MCPH1: variants seen among roughly 807,000 people sequenced by gnomAD.
MCPH1 encodes microcephalin 1, also known as microcephalin.
In MCPH1, 104 loss-of-function variants were observed where a neutral mutation model predicts 84.5. The observed-to-expected ratio is 1.23, with a 90% CI of 1.05 to 1.45. The LOEUF is 1.45. MCPH1 is among the 40% of genes most tolerant of loss of function. The pLI, the probability that MCPH1 is intolerant of heterozygous loss-of-function variation, is 0.00. For missense variants in MCPH1, 1,498 were observed against 1,005.7 expected (o/e 1.49, Z -6.62); for synonymous variants, 514 against 366.8 (o/e 1.40, Z -4.58).
At chr8:6,408,288 A>T (rs1798026015) in intron 1 of MCPH1, among the ~76,000 whole-genome samples, 1 of 149,642 alleles carries the variant, frequency 6.7e-6, no homozygotes, top group Admixed American at 6.6e-5. Flanking sequence ...GAGCGCAGTG[A>T]TGTGATCACA....
At chr8:6,424,717 T>C (rs1364201258) in intron 3 of MCPH1, among the ~76,000 whole-genome samples, 3 of 152,236 alleles carry the variant, frequency 2.0e-5, no homozygotes, top group Non-Finnish European at 4.4e-5. Flanking sequence ...ACTGCTGGGC[T>C]CTAGGTTCCT....
intron 12 of MCPH1, chr8:6,616,767 T>C (rs1830829034): frequency 2.6e-5 from 4 of 152,260 alleles, no homozygotes; most frequent in African/African-American, 9.6e-5. Context: ...CCACCCAAAA[T>C]TCACTCTGAC....
At chr8:6,532,574 T>TAAAAAAAA in intron 12 of MCPH1, 1 of 589,544 alleles carries the variant, frequency 1.7e-6, no homozygotes, top group Non-Finnish European at 2.5e-6. Flanking sequence ...TCCCTATCTT[T>TAAAAAAAA]AAAAAAAAAA....
intron 12 of MCPH1, among the ~76,000 whole-genome samples, chr8:6,614,110 GAATT>G (rs113536460): frequency 0.013 from 1,969 of 152,276 alleles, 44 homozygotes; most frequent in African/African-American, 0.044. Context: ...TCTACACTGA[GAATT>G]ATTTTAGAAG....
At chr8:6,409,446 T>G (rs1030173543) in intron 2 of MCPH1, 76 bp downstream of exon 2, 2 of 1,237,430 alleles carry the variant, frequency 1.6e-6, no homozygotes, top group Non-Finnish European at 2.4e-6. Flanking sequence ...ATTTTCTTAT[T>G]TTGGGAGTTT....
chr8:6,617,678 G>A (rs1830949214), intron 12 of MCPH1, among the ~76,000 whole-genome samples: 1 of 151,946 alleles, frequency 6.6e-6, no homozygotes, highest in Non-Finnish European at 1.5e-5. Context: ...GTTGGGGGTG[G>A]GGAGTTGTAT....
At chr8:6,527,523 C>T in intron 12 of MCPH1, 1 of 1,605,844 alleles carries the variant, frequency 6.2e-7, no homozygotes, top group Non-Finnish European at 8.5e-7. Flanking sequence ...GTGTGCAGTC[C>T]TGAATTATAA....
At position 6,409,390 on chromosome 8, in the gene MCPH1, G is replaced by A; in HGVS notation, c.114+20G>A. On this transcript the variant is annotated intron_variant, in intron 2 of 13. Transcript: ENST00000344683. ...GCAAAGGTAAGACACTTATTTTGCT[G>A]TTGATTCATATGACAGTCTTCTGAT... is the stretch of plus-strand genomic sequence containing the variant. The A allele has an allele frequency of 2.6e-6, 4 of 1,557,892 alleles. No individual in the cohort carries two copies. Among genetic ancestry groups the A allele is most frequent in the Non-Finnish European group, 3.5e-6 (4 of 1,128,796 alleles).
intron 8 of MCPH1, among the ~76,000 whole-genome samples, chr8:6,453,111 A>T (rs1477429994): frequency 2.0e-5 from 3 of 152,186 alleles, no homozygotes; most frequent in Non-Finnish European, 4.4e-5. Flanking sequence ...CTTAGGAGCA[A>T]ACACGAATAA....
At chr8:6,606,478 G>C (rs1377355782) in intron 12 of MCPH1, among the ~76,000 whole-genome samples, 2 of 152,168 alleles carry the variant, frequency 1.3e-5, no homozygotes, top group Non-Finnish European at 2.9e-5. Context: ...ATTAAAGCAA[G>C]GTCCCTGTCC....
rs1803597889 is a variant in MCPH1 at position 6,442,081 on chromosome 8, C to A, written c.595C>A (p.Gln199Lys). The change falls in exon 7 of 14, where the codon CAG (glutamine) becomes AAG (lysine). Residue 199 changes from glutamine to lysine, a missense_variant. Physicochemically the swap from Gln to Lys is moderately conservative, Grantham distance 53. Transcript: ENST00000344683. ...CCTGTTTTTAGCTTCCCAAATGATT[C>A]AGCAGTCTCATGATAATCCAAGTAA... ...NLSPTSSQMI[Q>K]QSHDNPSNSL... 6.2e-7 allele frequency: 1 copy of A among 1,612,288 alleles called. No homozygotes were observed. The highest frequency in any genetic ancestry group is 1.3e-5 in the African/African-American group (1 of 74,888).
chr8:6,477,900 C>G (rs551662294), intron 10 of MCPH1, among the ~76,000 whole-genome samples: 4 of 152,210 alleles, frequency 2.6e-5, no homozygotes, highest in African/African-American at 9.6e-5. Flanking sequence ...CAAATAGCTT[C>G]ATGAATGTTC....
At chr8:6,536,034 G>C (rs546303780) in intron 12 of MCPH1, among the ~76,000 whole-genome samples, 1 of 152,056 alleles carries the variant, frequency 6.6e-6, no homozygotes, top group Non-Finnish European at 1.5e-5. Flanking sequence ...TGCAGCTTGG[G>C]CGACAGAGTG....
At chr8:6,625,577 CAATT>C (rs1016224605) in intron 13 of MCPH1, 10 of 984,420 alleles carry the variant, frequency 1.0e-5, no homozygotes, top group Non-Finnish European at 9.6e-6. Context: ...AAAAAAAAAT[CAATT>C]AAATTTATTC....
chr8:6,588,818 G>C lies in MCPH1; in HGVS notation c.2215-32636G>C, dbSNP rs536203224. 2.6e-5 allele frequency among the ~76,000 whole-genome samples: 4 copies of C among 152,336 alleles called. No individual in the cohort carries two copies. In the East Asian group the frequency reaches 7.7e-4, roughly 29 times the overall value. On this transcript the variant is annotated intron_variant, in intron 12 of 13. Coordinates refer to ENST00000344683, the MANE Select transcript of MCPH1 (RefSeq NM_024596.5). ...GGTCTCACCAGCTGCCCTTGGGCCA[G>C]GTCACTGCAGTGTCTGCCAGCACCA...
At chr8:6,483,746 G>C (rs1809518597) in intron 11 of MCPH1, among the ~76,000 whole-genome samples, 1 of 152,160 alleles carries the variant, frequency 6.6e-6, no homozygotes, top group South Asian at 2.1e-4. Flanking sequence ...TGTAATCCCA[G>C]CTACTCAGGA....
chr8:6,432,569 C>G (rs1045887622), intron 4 of MCPH1, among the ~76,000 whole-genome samples: 22 of 152,210 alleles, frequency 1.4e-4, no homozygotes, highest in African/African-American at 5.1e-4. Context: ...GTACTTTACT[C>G]TGAAACATCA....
At chr8:6,496,885 ACCCCCAGTTT>A (rs1186488645) in intron 11 of MCPH1, among the ~76,000 whole-genome samples, 1 of 151,536 alleles carries the variant, frequency 6.6e-6, no homozygotes, top group Admixed American at 6.6e-5. Context: ...TCCCCACCCC[ACCCCCAGTTT>A]TCTCTCATCA....
At chr8:6,637,134 C>T (rs2911991) in intron 13 of MCPH1, among the ~76,000 whole-genome samples, 71,584 of 152,136 alleles carry the variant, frequency 0.47, 17,145 homozygotes, top group East Asian at 0.62. Flanking sequence ...CCTACACACT[C>T]GTCATATGCC....
Sources: allele counts gnomAD v4.1 joint callset (sites outside exome capture counted in the v4.1 genomes callset), GRCh38; gene constraint gnomAD v4.1.1; transcripts MANE v1.5; gene names NCBI Gene and HGNC (gene_info 2026-07-23, HGNC 2026-07-21).